Variants in RPTOR observed in about 807,000 individuals in gnomAD.
RPTOR encodes the protein regulatory associated protein of MTOR complex 1.
In RPTOR, 21 loss-of-function variants were observed where a neutral mutation model predicts 169.9. The observed-to-expected ratio is 0.12, with a 90% CI of 0.09 to 0.18. The LOEUF (loss-of-function observed/expected upper bound fraction) is 0.18, where lower values mean the gene tolerates loss of function less well. RPTOR is among the 10% of genes least tolerant of loss of function. RPTOR has a pLI of 1.00. For missense variants in RPTOR, 1,133 were observed against 1,855.9 expected, an observed-to-expected ratio of 0.61 and a Z score of 7.16; for synonymous variants, 732 against 753.2, an observed-to-expected ratio of 0.97 and a Z score of 0.46.
At position 80,545,574 on chromosome 17, in the gene RPTOR, G is replaced by A. The variant is rs118185892; in HGVS notation, c.-56G>A. The A allele has an allele frequency of 7.2e-3, 9,915 of 1,376,580 alleles. 46 individuals carry two copies. The highest frequency in any genetic ancestry group is 8.9e-3 in the Non-Finnish European group (8,837 of 995,444). The allele number at this position is 1,376,580 out of a possible 1,614,324, so 85.3% of individuals were successfully genotyped here. ...AATTCTGGTACACGCTAGTTTTTAAGGCTGGAGGTTCTCGAGCGCTTGCTG... is the reference window on the plus strand; with the variant it reads ...AATTCTGGTACACGCTAGTTTTTAAAGCTGGAGGTTCTCGAGCGCTTGCTG... On this transcript the variant is annotated 5_prime_UTR_variant, in exon 1 of 34. Transcript: ENST00000306801.
intron 5 of RPTOR, among the ~76,000 whole-genome samples, chr17:80,737,428 G>A (rs2066442546): frequency 6.6e-6 from 1 of 152,196 alleles, no homozygotes; most frequent in African/African-American, 2.4e-5. Flanking sequence ...CCACCAGCCT[G>A]AGTGCTTTCC....
intron 4 of RPTOR, among the ~76,000 whole-genome samples, chr17:80,720,990 C>A (rs1457488259): frequency 6.6e-6 from 1 of 151,018 alleles, no homozygotes; most frequent in African/African-American, 2.5e-5. Context: ...TTCCCCGACC[C>A]CTTGTTTTCC....
intron 3 of RPTOR, among the ~76,000 whole-genome samples, chr17:80,706,198 C>T (rs1014851019): frequency 6.6e-5 from 10 of 152,170 alleles, no homozygotes; most frequent in African/African-American, 2.4e-4. Flanking sequence ...TTTGCACTGA[C>T]TCATCAACTC....
At chr17:80,546,307 A>G (rs1365837243) in intron 1 of RPTOR, among the ~76,000 whole-genome samples, 6 of 152,342 alleles carry the variant, frequency 3.9e-5, no homozygotes, top group Non-Finnish European at 4.4e-5. Flanking sequence ...CTAGTCTTCT[A>G]AACAATTTCT....
In RPTOR at chr17:80,693,953, C is replaced by T. The variant is rs542865855; in HGVS notation, c.349-13888C>T. Reference sequence around the variant, plus strand: ...GCAGCTCACATCCTCTTGCTCCTGGCGGCCGATGCTCTGCGCAGAAACGGG... The same window carrying T: ...GCAGCTCACATCCTCTTGCTCCTGGTGGCCGATGCTCTGCGCAGAAACGGG... On this transcript the variant is annotated intron_variant, in intron 3 of 33. Transcript: ENST00000306801. Among the ~76,000 whole-genome samples, 118 of 152,314 alleles carry T rather than the reference C, an allele frequency of 7.7e-4. 6 individuals are homozygous for T. In the South Asian group the frequency reaches 0.024, roughly 30 times the overall value.
At chr17:80,650,444 G>A (rs184277899) in intron 3 of RPTOR, among the ~76,000 whole-genome samples, 12 of 152,296 alleles carry the variant, frequency 7.9e-5, no homozygotes, top group Admixed American at 6.5e-4. Flanking sequence ...GGGCGGGAGC[G>A]CCCCTCTCAC....
At chr17:80,812,555 C>T (rs367745848) in intron 7 of RPTOR, among the ~76,000 whole-genome samples, 79 of 152,260 alleles carry the variant, frequency 5.2e-4, no homozygotes, top group African/African-American at 1.7e-3. Flanking sequence ...ATGAGCCTGC[C>T]GTGATCTACT....
intron 13 of RPTOR, among the ~76,000 whole-genome samples, chr17:80,864,660 G>A (rs1234008820): frequency 6.6e-6 from 1 of 152,202 alleles, no homozygotes; most frequent in Non-Finnish European, 1.5e-5. Context: ...TAGCCTTGAG[G>A]AGAATACTCT....
At chr17:80,882,358 C>T (rs1231540324) in intron 14 of RPTOR, among the ~76,000 whole-genome samples, 3 of 152,198 alleles carry the variant, frequency 2.0e-5, no homozygotes, top group Non-Finnish European at 2.9e-5. Flanking sequence ...ATAGACGCAT[C>T]ATAATGAAAA....
intron 21 of RPTOR, among the ~76,000 whole-genome samples, chr17:80,917,275 G>A (rs1436083342): frequency 6.6e-6 from 1 of 152,088 alleles, no homozygotes; most frequent in Non-Finnish European, 1.5e-5. Flanking sequence ...ACCATGCCCA[G>A]CTAATTTTTG....
intron 1 of RPTOR, among the ~76,000 whole-genome samples, chr17:80,606,105 G>A (rs915348064): frequency 1.9e-4 from 29 of 152,128 alleles, no homozygotes; most frequent in African/African-American, 4.3e-4. Flanking sequence ...TCCGCCTCCC[G>A]GGTTCACGCC....
In RPTOR at chr17:80,665,483, C is replaced by A. The variant is rs551997763; in HGVS notation, c.348+21673C>A. Among the ~76,000 whole-genome samples, 12 of 41,296 alleles carry A rather than the reference C, an allele frequency of 2.9e-4. No homozygotes were observed. In the African/African-American group the frequency reaches 3.1e-3, roughly 11 times the overall value. The allele number at this position is 41,296 out of a possible 152,430, so 27.1% of individuals were successfully genotyped here. A position where few individuals can be genotyped will look rare whatever the true frequency, so the allele number is the denominator to read the frequency against. On this transcript the variant is annotated intron_variant, in intron 3 of 33. Coordinates refer to ENST00000306801, the MANE Select transcript of RPTOR (RefSeq NM_020761.3). ...CTTTCCTTTCCTTTCCTTTCCTTTC[C>A]TTTCCTTTCCTTTCCTTTCCATGTC...
chr17:80,686,474 G>A (rs1427354490), intron 3 of RPTOR, among the ~76,000 whole-genome samples: 2 of 151,888 alleles, frequency 1.3e-5, no homozygotes, highest in Non-Finnish European at 2.9e-5. Flanking sequence ...ACTTAAGTGC[G>A]TCACTGTCTA....
intron 1 of RPTOR, among the ~76,000 whole-genome samples, chr17:80,548,047 A>G (rs985338631): frequency 6.6e-6 from 1 of 151,564 alleles, no homozygotes; most frequent in African/African-American, 2.4e-5. Flanking sequence ...TGCAGGCTGA[A>G]CAACCCCATT....
Position 80,960,539 on chromosome 17 carries a change from G to A in RPTOR, c.3605+334G>A, listed in dbSNP as rs2069323174. Among the ~76,000 whole-genome samples, 1 of 152,234 alleles carries A rather than the reference G, an allele frequency of 6.6e-6. No homozygotes were observed. The highest frequency in any genetic ancestry group is 1.5e-5 in the Non-Finnish European group (1 of 68,036). On this transcript the variant is annotated intron_variant, in intron 30 of 33. Transcript: ENST00000306801. The surrounding 1 kb of genome is among the most constrained non-coding windows in gnomAD (Gnocchi z 4.8). Reference sequence around the variant, plus strand: ...CCGCAGCCAGGCACCTGCCACCTCTGAGCTCACCTGAACAGAATACTGCCA... The same window carrying A: ...CCGCAGCCAGGCACCTGCCACCTCTAAGCTCACCTGAACAGAATACTGCCA...
intron 6 of RPTOR, among the ~76,000 whole-genome samples, chr17:80,780,747 C>T (rs1431836910): frequency 6.6e-6 from 1 of 152,168 alleles, no homozygotes; most frequent in African/African-American, 2.4e-5. Context: ...AGGGTGGATC[C>T]TGCAGCTCCC....
intron 7 of RPTOR, among the ~76,000 whole-genome samples, chr17:80,813,793 G>C (rs1308604538): frequency 6.6e-6 from 1 of 152,188 alleles, no homozygotes; most frequent in Non-Finnish European, 1.5e-5. Context: ...TTAAGTGCGT[G>C]TCCTTCTTTA....
chr17:80,925,468 GC>G lies in RPTOR; in HGVS notation c.2910del (p.Val971SerfsTer2). 6.2e-7 allele frequency: 1 copy of G among 1,613,408 alleles called. No homozygotes were observed. The highest frequency in any genetic ancestry group is 8.5e-7 in the Non-Finnish European group (1 of 1,179,974). ...ACTGGAGCGCCCGCTATTTTGCCCAGCCCGTCATGAAGGTGCGCCCGGGGTG... is the reference window on the plus strand; with the variant it reads ...ACTGGAGCGCCCGCTATTTTGCCCAGCCGTCATGAAGGTGCGCCCGGGGTG... ...CDWSARYFAQ[P>X]VMKIPEEHDL... On this transcript the variant is annotated frameshift_variant, in exon 24 of 34. Transcript: ENST00000306801. LOFTEE classifies it high-confidence loss of function.
intron 1 of RPTOR, among the ~76,000 whole-genome samples, chr17:80,571,032 G>A (rs1485999356): frequency 6.6e-6 from 1 of 152,082 alleles, no homozygotes; most frequent in Non-Finnish European, 1.5e-5. Flanking sequence ...GCTTTATAAC[G>A]CCAGGTAGGT....
Sources: gnomAD v4.1 joint callset for allele counts (sites outside exome capture counted in the v4.1 genomes callset) on GRCh38, gnomAD v4.1.1 for gene constraint, Gnocchi (gnomAD v3.1) non-coding constraint, MANE v1.5 for transcripts, NCBI Gene and HGNC (gene_info 2026-07-23, HGNC 2026-07-21) for gene names.